Variants in SLC28A3 observed in about 807,000 individuals in gnomAD.
The protein encoded by SLC28A3 is concentrative Na(+)-nucleoside cotransporter 3.
In SLC28A3, 68 loss-of-function variants were observed where a neutral mutation model predicts 84.2. That is an observed-to-expected ratio of 0.81 (90% CI 0.66 to 0.99). The LOEUF (loss-of-function observed/expected upper bound fraction) is 0.99, where lower values mean the gene tolerates loss of function less well. SLC28A3 is among the 50% of genes least tolerant of loss of function. SLC28A3 has a pLI of 0.00. For missense variants in SLC28A3, 712 were observed against 841.5 expected (o/e 0.85, Z 1.90); for synonymous variants, 267 against 303.6 (o/e 0.88, Z 1.25).
intron 2 of SLC28A3, among the ~76,000 whole-genome samples, chr9:84,311,636 G>A (rs1455270289): frequency 1.3e-5 from 2 of 152,066 alleles, no homozygotes; most frequent in African/African-American, 2.4e-5. Flanking sequence ...CGGATCACAA[G>A]GTCAGGAGAT....
chr9:84,307,416 G>A (rs1214293070), intron 3 of SLC28A3, among the ~76,000 whole-genome samples: 1 of 135,542 alleles, frequency 7.4e-6, no homozygotes, highest in Non-Finnish European at 1.5e-5. Context: ...GGGAGACAGA[G>A]CGAGACTCCA....
intron 8 of SLC28A3, among the ~76,000 whole-genome samples, chr9:84,294,829 G>A (rs181336976): frequency 2.0e-5 from 3 of 152,150 alleles, no homozygotes; most frequent in East Asian, 1.9e-4. Flanking sequence ...ACCTGGGAGC[G>A]GCCATTCCAA....
At chr9:84,358,201 G>C in the SLC28A3 span, among the ~76,000 whole-genome samples, 1 of 152,306 alleles carries the variant, frequency 6.6e-6, no homozygotes, top group South Asian at 2.1e-4. Flanking sequence ...GCCAGCAAAC[G>C]AGGCATGGGG....
intron 4 of SLC28A3, among the ~76,000 whole-genome samples, chr9:84,304,033 G>C (rs1047690161): frequency 1.3e-5 from 2 of 152,180 alleles, no homozygotes; most frequent in Non-Finnish European, 2.9e-5. Flanking sequence ...CACCTTGCAG[G>C]CTGCAACCCT....
At chr9:84,309,757 C>A (rs2118392487) in intron 2 of SLC28A3, 43 bp from the exon 3 acceptor site, 2 of 1,567,532 alleles carry the variant, frequency 1.3e-6, no homozygotes, top group South Asian at 1.1e-5. Flanking sequence ...AATGAGCATC[C>A]TGGGCATAAT....
At chr9:84,309,849 T>C in intron 2 of SLC28A3, 135 bp from the exon 3 acceptor site, 1 of 676,140 alleles carries the variant, frequency 1.5e-6, no homozygotes. Flanking sequence ...AGATGGCTCC[T>C]ATTATCTACT....
chr9:84,341,664 G>A (rs1827161091), upstream of SLC28A3, among the ~76,000 whole-genome samples: 1 of 152,180 alleles, frequency 6.6e-6, no homozygotes, highest in Non-Finnish European at 1.5e-5. Context: ...ATGCCGATAT[G>A]TGACAAGTAA....
At chr9:84,362,957 A>T in the SLC28A3 span, among the ~76,000 whole-genome samples, 1 of 152,218 alleles carries the variant, frequency 6.6e-6, no homozygotes, top group African/African-American at 2.4e-5. Flanking sequence ...AGTAAAAAAG[A>T]TAAAAATATT....
At chr9:84,282,082 C>T (rs1433689255) in intron 14 of SLC28A3, among the ~76,000 whole-genome samples, 2 of 152,166 alleles carry the variant, frequency 1.3e-5, no homozygotes, top group Non-Finnish European at 1.5e-5. Context: ...GCAGAGGTTG[C>T]AGTGAGCTGA....
chr9:84,357,469 G>C, the SLC28A3 span, among the ~76,000 whole-genome samples: 1 of 151,892 alleles, frequency 6.6e-6, no homozygotes, highest in Admixed American at 6.6e-5. Context: ...TTAATTACAG[G>C]AAGTAAGGAG....
Position 84,288,191 on chromosome 9 carries a change from A to T in SLC28A3, c.1150-13T>A. ...GGGAGGATGGAACCTGCAATTTCAG[A>T]AGAAAGAAGGCAAACCTGGGATTAG... On this transcript the variant is annotated splice_polypyrimidine_tract_variant and intron_variant, in intron 11 of 17. Transcript: ENST00000376238. The T allele has an allele frequency of 1.2e-6, 2 of 1,613,776 alleles. No individual in the cohort carries two copies. The highest frequency in any genetic ancestry group is 1.7e-6 in the Non-Finnish European group (2 of 1,179,766).
intron 1 of SLC28A3, among the ~76,000 whole-genome samples, chr9:84,314,516 GC>G (rs1000016072): frequency 2.0e-5 from 3 of 152,026 alleles, no homozygotes; most frequent in Admixed American, 6.6e-5. Flanking sequence ...TCTCTGACTG[GC>G]CCCAGGAATC....
chr9:84,331,097 G>GTGACTTGGTTTA (rs1826764743), intron 1 of SLC28A3, among the ~76,000 whole-genome samples: 1 of 152,158 alleles, frequency 6.6e-6, no homozygotes, highest in African/African-American at 2.4e-5. Context: ...TGCCATGGAA[G>GTGACTTGGTTTA]TGACTTGGTT....
chr9:84,305,126 G>C (rs1198812668), intron 4 of SLC28A3, 128 bp downstream of exon 4: 8 of 772,756 alleles, frequency 1.0e-5, no homozygotes, highest in Non-Finnish European at 1.6e-5. Flanking sequence ...TACCACCCCC[G>C]ATGATTCAGT....
intron 4 of SLC28A3, among the ~76,000 whole-genome samples, chr9:84,302,675 G>T (rs973452924): frequency 5.3e-5 from 8 of 152,088 alleles, no homozygotes; most frequent in African/African-American, 1.7e-4. Flanking sequence ...CAATCATTGG[G>T]CCTCTAAGTA....
chr9:84,285,682 C>T, intron 13 of SLC28A3, 140 bp from the exon 14 acceptor site: 1 of 979,552 alleles, frequency 1.0e-6, no homozygotes, highest in East Asian at 2.6e-5. Flanking sequence ...CTTTACCCAT[C>T]AGGAATCAGG....
At chr9:84,323,562 G>T (rs764427706) in intron 1 of SLC28A3, among the ~76,000 whole-genome samples, 5 of 151,822 alleles carry the variant, frequency 3.3e-5, no homozygotes, top group Admixed American at 2.0e-4. Flanking sequence ...GTAGCTGGGA[G>T]TACAGGCGTG....
intron 10 of SLC28A3, among the ~76,000 whole-genome samples, chr9:84,292,176 A>G (rs892724981): frequency 1.3e-5 from 2 of 152,240 alleles, no homozygotes; most frequent in African/African-American, 2.4e-5. Flanking sequence ...GGTCTCCTCC[A>G]TTGCCACAGG....
chr9:84,340,818 GAGA>G, upstream of SLC28A3: 3 of 549,332 alleles, frequency 5.5e-6, no homozygotes, highest in Non-Finnish European at 9.7e-6. Context: ...GGGTGGGGCA[GAGA>G]GGCGGGCGGG....
Sources: gnomAD v4.1 joint callset for allele counts (sites outside exome capture counted in the v4.1 genomes callset) on GRCh38, gnomAD v4.1.1 for gene constraint, MANE v1.5 for transcripts, NCBI Gene and HGNC (gene_info 2026-07-23, HGNC 2026-07-21) for gene names.